CPS1: variants seen among roughly 807,000 people sequenced by gnomAD.
CPS1 encodes carbamoyl-phosphate synthase 1.
A neutral mutation model predicts 174.6 loss-of-function variants in CPS1; 109 were observed. The observed-to-expected ratio is 0.62, with a 90% CI of 0.53 to 0.73. CPS1 has a LOEUF of 0.73. CPS1 is among the 30% of genes least tolerant of loss of function. CPS1 has a pLI of 0.00. For missense variants in CPS1, 1,689 were observed against 1,821.9 expected (o/e 0.93, Z 1.33); for synonymous variants, 637 against 632.0 (o/e 1.01, Z -0.12).
intron 21 of CPS1, among the ~76,000 whole-genome samples, chr2:210,631,020 G>GTT (rs34869171): frequency 2.1e-5 from 3 of 141,700 alleles, no homozygotes; most frequent in Admixed American, 7.0e-5. Flanking sequence ...CTTTTGGAGT[G>GTT]TTTTTTTTTT....
rs771830802 is a variant in CPS1, at chr2:210,590,249, G to T, written c.840+15G>T. The T allele has an allele frequency of 6.2e-7, 1 of 1,612,302 alleles. No homozygotes were observed. The highest frequency in any genetic ancestry group is 1.3e-5 in the African/African-American group (1 of 74,874). Reference sequence around the variant, plus strand: ...ATGTCAGAAAGGTGCAATGAACCTTGAATTCATGTGTATCTGTGTGGGAGG... The same window carrying T: ...ATGTCAGAAAGGTGCAATGAACCTTTAATTCATGTGTATCTGTGTGGGAGG... On this transcript the variant is annotated intron_variant, in intron 8 of 37. Coordinates refer to ENST00000233072, the MANE Select transcript of CPS1 (RefSeq NM_001875.5).
At chr2:210,490,771 A>G (rs17822981) in intron 1 of CPS1, among the ~76,000 whole-genome samples, 31,155 of 152,170 alleles carry the variant, frequency 0.2, 3,729 homozygotes, top group Middle Eastern at 0.34. Flanking sequence ...TAAAATATGA[A>G]CCCCATGATA....
chr2:210,637,718 G>A lies in CPS1; in HGVS notation c.2704G>A (p.Glu902Lys), dbSNP rs759766506. 3.1e-6 allele frequency: 5 copies of A among 1,613,984 alleles called. No individual in the cohort carries two copies. Among genetic ancestry groups the A allele is most frequent in the Non-Finnish European group, 4.2e-6 (5 of 1,179,898 alleles). ...KGLNSESMTE[E>K]TLKRAKEIGF... Reference sequence around the variant, plus strand: ...AAATCCTAGTGAGTCCATGACAGAAGAAACCCTGAAAAGGGCAAAGGAGAT... The same window carrying A: ...AAATCCTAGTGAGTCCATGACAGAAAAAACCCTGAAAAGGGCAAAGGAGAT... The change falls in exon 22 of 38, where the codon GAA (glutamate) becomes AAA (lysine). Residue 902 changes from glutamate to lysine, a missense_variant. Transcript: ENST00000233072.
intron 13 of CPS1, among the ~76,000 whole-genome samples, chr2:210,596,273 G>A (rs1183515296): frequency 6.6e-6 from 1 of 151,874 alleles, no homozygotes; most frequent in Non-Finnish European, 1.5e-5. Context: ...CTCTTGAGGA[G>A]TTCAGTTGGT....
rs766849843 is a variant in CPS1, at chr2:210,642,521, T to C, written c.2997T>C (p.Ser999=). ...AATTTGATTGGTGTGCTGTCTCTAG[T>C]ATCCGCACACTGCGTCAACTTGGCA... ...SVEFDWCAVS[S]IRTLRQLGKK... is the part of the protein sequence containing the mutation. Residue 999 remains serine, a synonymous_variant, in exon 25 of 38, where the codon AGT becomes AGC. Coordinates refer to ENST00000233072, the MANE Select transcript of CPS1 (RefSeq NM_001875.5). 7.4e-6 allele frequency: 12 copies of C among 1,613,980 alleles called. No individual in the cohort carries two copies. Among genetic ancestry groups the C allele is most frequent in the Middle Eastern group, 1.7e-4 (1 of 6,056 alleles).
intron 21 of CPS1, among the ~76,000 whole-genome samples, chr2:210,624,954 A>G (rs945252575): frequency 9.9e-5 from 15 of 152,220 alleles, no homozygotes; most frequent in African/African-American, 3.6e-4. Flanking sequence ...ATATGTGTAT[A>G]TATATCTATA....
chr2:210,648,512 T>G lies in CPS1; in HGVS notation c.3376T>G (p.Cys1126Gly), dbSNP rs1318475437. 6.2e-7 allele frequency: 1 copy of G among 1,613,712 alleles called. No homozygotes were observed. Among genetic ancestry groups the G allele is most frequent in the Admixed American group, 1.7e-5 (1 of 60,018 alleles). ...LEFAKSVDYP[C>G]LLRPSYVLSG... ...ATTTGCAAAGTCTGTGGACTACCCC[T>G]GCTTGTTGAGGCCTTCCTATGTTTT... is the stretch of plus-strand genomic sequence containing the variant. The change falls in exon 27 of 38, where the codon TGC (cysteine) becomes GGC (glycine). Residue 1126 changes from cysteine (C) to glycine (G), a missense_variant. By Grantham distance (159) the Cys-to-Gly change is radical. Transcript: ENST00000233072.
At chr2:210,502,249 C>G (rs963625478) in intron 1 of CPS1, among the ~76,000 whole-genome samples, 6 of 151,854 alleles carry the variant, frequency 4.0e-5, no homozygotes, top group African/African-American at 1.5e-4. Flanking sequence ...ACCAATTTTC[C>G]TTCTCGAATT....
chr2:210,526,773 G>A (rs1163468016), intron 1 of CPS1, among the ~76,000 whole-genome samples: 1 of 151,846 alleles, frequency 6.6e-6, no homozygotes, highest in Non-Finnish European at 1.5e-5. Context: ...GCCTTTGAAT[G>A]GGTAGCACAG....
intron 1 of CPS1, among the ~76,000 whole-genome samples, chr2:210,536,452 C>A (rs2664229): frequency 0.38 from 57,762 of 151,224 alleles, 11,344 homozygotes; most frequent in Middle Eastern, 0.5. Context: ...TCCCGAGTAG[C>A]TGGGACTACA....
At position 210,608,420 on chromosome 2, in the gene CPS1, A is replaced by G. The variant is rs555944024; in HGVS notation, c.2252A>G (p.Lys751Arg). The G allele has an allele frequency of 5.0e-6, 8 of 1,612,540 alleles. No homozygotes were observed. Among genetic ancestry groups the G allele is most frequent in the Non-Finnish European group, 6.8e-6 (8 of 1,178,974 alleles). ...CTAGGAATCCCACTTCCAGAAATTA[A>G]GAACGTCGTATCCGGGAAGACATCA... ...IALGIPLPEIKNVVSGKTSAC... is the reference protein window; with the variant it reads ...IALGIPLPEIRNVVSGKTSAC... Residue 751 changes from lysine to arginine, a missense_variant, in exon 19 of 38, where the codon AAG becomes AGG. Transcript: ENST00000233072.
chr2:210,588,252 C>G, intron 7 of CPS1, 105 bp downstream of exon 7: 1 of 927,950 alleles, frequency 1.1e-6, no homozygotes, highest in Non-Finnish European at 1.8e-6. Flanking sequence ...TTCAGAATGT[C>G]AGGGGTCTAC....
At position 210,509,329 on chromosome 2, in the gene CPS1, A is replaced by G. The variant is rs994506804; in HGVS notation, c.3+31563A>G. Among the ~76,000 whole-genome samples the G allele has an allele frequency of 9.8e-5, 15 of 152,400 alleles. 1 individual carries two copies. Among genetic ancestry groups the G allele is most frequent in the African/African-American group, 3.6e-4 (15 of 41,600 alleles). On this transcript the variant is annotated intron_variant, in intron 1 of 38. Transcript: ENST00000430249. ...GAAAAGGCCTTTGACAAAATTCAACAGCACTTCATGCTAAAAACTCTCAAT... is the reference window on the plus strand; with the variant it reads ...GAAAAGGCCTTTGACAAAATTCAACGGCACTTCATGCTAAAAACTCTCAAT...
At chr2:210,557,307 A>C (rs1306574706) in intron 1 of CPS1, among the ~76,000 whole-genome samples, 1 of 152,114 alleles carries the variant, frequency 6.6e-6, no homozygotes, top group Non-Finnish European at 1.5e-5. Context: ...TAAACATTTT[A>C]AAAACATAAT....
chr2:210,496,428 A>C (rs1399025556), intron 1 of CPS1, among the ~76,000 whole-genome samples: 1 of 152,126 alleles, frequency 6.6e-6, no homozygotes, highest in Non-Finnish European at 1.5e-5. Flanking sequence ...TCTAGACACA[A>C]ATAAGAGCTA....
At chr2:210,597,610 T>G (rs1209163596) in intron 13 of CPS1, among the ~76,000 whole-genome samples, 1 of 151,866 alleles carries the variant, frequency 6.6e-6, no homozygotes, top group Admixed American at 6.6e-5. Context: ...TATACTTTTA[T>G]CTGAATATTT....
chr2:210,586,307 G>T (rs1215470101), intron 6 of CPS1, among the ~76,000 whole-genome samples: 3 of 151,964 alleles, frequency 2.0e-5, no homozygotes, highest in Admixed American at 1.3e-4. Context: ...TATGGAATTT[G>T]ATCATGGTGT....
intron 1 of CPS1, among the ~76,000 whole-genome samples, chr2:210,551,298 G>A (rs1038263942): frequency 3.3e-5 from 5 of 151,902 alleles, no homozygotes; most frequent in African/African-American, 7.2e-5. Context: ...AAGAAACTTC[G>A]TGAATTCACT....
At chr2:210,645,688 C>G (rs1028371410) in intron 25 of CPS1, among the ~76,000 whole-genome samples, 1 of 152,160 alleles carries the variant, frequency 6.6e-6, no homozygotes, top group Non-Finnish European at 1.5e-5. Flanking sequence ...GAAGCTGAGG[C>G]ACGAGAATTC....
Sources: allele counts gnomAD v4.1 joint callset (sites outside exome capture counted in the v4.1 genomes callset), GRCh38; gene constraint gnomAD v4.1.1; transcripts MANE v1.5; gene names NCBI Gene and HGNC (gene_info 2026-07-23, HGNC 2026-07-21).